Variants in CMTM8 observed in about 807,000 individuals in gnomAD.
The protein encoded by CMTM8 is CKLF like MARVEL transmembrane domain containing 8.
Under a neutral mutation model 18.6 loss-of-function variants are expected in CMTM8, and 12 were observed. The ratio of observed to expected loss-of-function variants is 0.65; its 90% CI spans 0.41 to 1.05. CMTM8 has a LOEUF of 1.05. Among genes scored for constraint, CMTM8 ranks in the 50% least tolerant of loss-of-function variants. The pLI is 0.00. For missense variants in CMTM8, 217 were observed against 227.2 expected, an observed-to-expected ratio of 0.95 and a Z score of 0.29; for synonymous variants, 87 against 90.6, an observed-to-expected ratio of 0.96 and a Z score of 0.23.
intron 1 of CMTM8, among the ~76,000 whole-genome samples, chr3:32,307,070 G>A (rs571037485): frequency 1.3e-5 from 2 of 151,282 alleles, no homozygotes; most frequent in Non-Finnish European, 2.9e-5. Context: ...AGCTGGGCAT[G>A]GTTGTGGATG....
chr3:32,263,780 G>A (rs536382410), intron 1 of CMTM8, among the ~76,000 whole-genome samples: 1 of 152,094 alleles, frequency 6.6e-6, no homozygotes, highest in Non-Finnish European at 1.5e-5. Flanking sequence ...TGAAAACCAC[G>A]GCACGAGAAC....
intron 1 of CMTM8, among the ~76,000 whole-genome samples, chr3:32,294,677 GGCA>G (rs2125558564): frequency 6.6e-6 from 1 of 152,256 alleles, no homozygotes; most frequent in East Asian, 1.9e-4. Flanking sequence ...GCTCCTCGAG[GGCA>G]GATCCGTCTT....
At chr3:32,339,160 A>C (rs139654633) in intron 1 of CMTM8, among the ~76,000 whole-genome samples, 1 of 152,248 alleles carries the variant, frequency 6.6e-6, no homozygotes, top group South Asian at 2.1e-4. Context: ...AAGAGCATCA[A>C]AGAATTTGTG....
chr3:32,300,460 G>A (rs1014593531), intron 1 of CMTM8, among the ~76,000 whole-genome samples: 1 of 152,096 alleles, frequency 6.6e-6, no homozygotes, highest in Non-Finnish European at 1.5e-5. Flanking sequence ...TGGGGAAGAG[G>A]GATTCTAATA....
At chr3:32,329,132 G>A (rs368333973) in intron 1 of CMTM8, among the ~76,000 whole-genome samples, 3 of 152,096 alleles carry the variant, frequency 2.0e-5, no homozygotes, top group East Asian at 1.9e-4. Flanking sequence ...GAGTGCAGTG[G>A]TGCAATCACT....
intron 1 of CMTM8, among the ~76,000 whole-genome samples, chr3:32,321,697 A>C (rs1411745180): frequency 6.6e-6 from 1 of 152,166 alleles, no homozygotes; most frequent in African/African-American, 2.4e-5. Flanking sequence ...TCCCGGGCTC[A>C]AGCAATCCTC....
At chr3:32,321,522 A>G (rs1376978411) in intron 1 of CMTM8, among the ~76,000 whole-genome samples, 1 of 152,142 alleles carries the variant, frequency 6.6e-6, no homozygotes, top group Non-Finnish European at 1.5e-5. Context: ...GTGAAGGGAA[A>G]TTGCAACCAC....
In CMTM8 at chr3:32,319,074, A is replaced by ATATATATATATATATTTTTT; in HGVS notation, c.148-38298_148-38297insATATATATATATATTTTTTT. On this transcript the variant is annotated intron_variant, in intron 1 of 3. Transcript: ENST00000307526. ...TGTATATACATATATATATATATAT[A>ATATATATATATATATTTTTT]TTTTTTTTTTTTTTTTTTTTTGAGA... 5.0e-3 allele frequency among the ~76,000 whole-genome samples: 158 copies of ATATATATATATATATTTTTT among 31,500 alleles called. 6 individuals carry two copies. The highest frequency in any genetic ancestry group is 5.9e-3 in the Non-Finnish European group (116 of 19,600). 20.7% of individuals were successfully genotyped at this position (31,500 alleles called of 152,430 possible).
intron 1 of CMTM8, among the ~76,000 whole-genome samples, chr3:32,265,129 C>T (rs965233671): frequency 3.9e-5 from 6 of 152,164 alleles, no homozygotes; most frequent in Admixed American, 3.9e-4. Context: ...AAACTCTCCG[C>T]CCCAAATCAA....
chr3:32,326,957 G>C (rs1395595485), intron 1 of CMTM8, among the ~76,000 whole-genome samples: 1 of 152,142 alleles, frequency 6.6e-6, no homozygotes, highest in Non-Finnish European at 1.5e-5. Context: ...TGCATTTGCA[G>C]TGCTAGTTTT....
At chr3:32,275,268 G>A (rs192353063) in intron 1 of CMTM8, among the ~76,000 whole-genome samples, 18 of 152,072 alleles carry the variant, frequency 1.2e-4, no homozygotes, top group Admixed American at 9.2e-4. Context: ...ACCCATCTTG[G>A]CCTCCCAAAG....
At chr3:32,315,503 T>C (rs1056315835) in intron 1 of CMTM8, among the ~76,000 whole-genome samples, 6 of 152,184 alleles carry the variant, frequency 3.9e-5, no homozygotes, top group Admixed American at 1.3e-4. Flanking sequence ...GATGAACCAG[T>C]TGCTAGAATA....
At chr3:32,301,143 A>G (rs1695605625) in intron 1 of CMTM8, among the ~76,000 whole-genome samples, 1 of 152,196 alleles carries the variant, frequency 6.6e-6, no homozygotes, top group Non-Finnish European at 1.5e-5. Flanking sequence ...GCTATATGCC[A>G]GGTAGGACAT....
At chr3:32,305,236 T>G (rs1695696560) in intron 1 of CMTM8, among the ~76,000 whole-genome samples, 1 of 150,864 alleles carries the variant, frequency 6.6e-6, no homozygotes, top group Non-Finnish European at 1.5e-5. Flanking sequence ...TGGAGGCTTT[T>G]TTTTTTTTTT....
At chr3:32,324,906 C>G (rs1019391169) in intron 1 of CMTM8, among the ~76,000 whole-genome samples, 7 of 152,290 alleles carry the variant, frequency 4.6e-5, no homozygotes, top group Admixed American at 3.9e-4. Context: ...AAGGGGAGAC[C>G]AAAGGAAGAG....
chr3:32,310,950 A>G (rs1695808317), intron 1 of CMTM8, among the ~76,000 whole-genome samples: 1 of 152,250 alleles, frequency 6.6e-6, no homozygotes, highest in African/African-American at 2.4e-5. Context: ...AGACAAGGTA[A>G]ACAATTGGAC....
chr3:32,343,389 C>T (rs1390332008), intron 1 of CMTM8, among the ~76,000 whole-genome samples: 3 of 152,184 alleles, frequency 2.0e-5, no homozygotes, highest in Admixed American at 1.3e-4. Context: ...TGGATTTCCA[C>T]CTGCAAAGTC....
intron 1 of CMTM8, among the ~76,000 whole-genome samples, chr3:32,292,884 C>T (rs763869133): frequency 7.2e-5 from 11 of 152,072 alleles, no homozygotes; most frequent in Non-Finnish European, 1.3e-4. Flanking sequence ...GAGGCAAATG[C>T]GAACGTGCAT....
intron 1 of CMTM8, among the ~76,000 whole-genome samples, chr3:32,284,966 T>C (rs1025634863): frequency 4.6e-5 from 7 of 152,114 alleles, no homozygotes; most frequent in South Asian, 2.1e-4. Context: ...GTCCTGACTT[T>C]GATGAGCAGT....
Sources: gnomAD v4.1 joint callset for allele counts (sites outside exome capture counted in the v4.1 genomes callset) on GRCh38, gnomAD v4.1.1 for gene constraint, MANE v1.5 for transcripts, NCBI Gene and HGNC (gene_info 2026-07-23, HGNC 2026-07-21) for gene names.